CSMD3: variants seen among roughly 807,000 people sequenced by gnomAD.
CSMD3 encodes the protein CUB and sushi domain-containing protein 3.
A neutral mutation model predicts 435.2 loss-of-function variants in CSMD3; 177 were observed. That is an observed-to-expected ratio of 0.41 (90% CI 0.36 to 0.46). The LOEUF (loss-of-function observed/expected upper bound fraction) is 0.46, where lower values mean the gene tolerates loss of function less well. Among genes scored for constraint, CSMD3 ranks in the 20% least tolerant of loss-of-function variants. The pLI is 0.34. For synonymous variants in CSMD3, 1,656 were observed against 1,520.5 expected, an observed-to-expected ratio of 1.09 and a Z score of -2.07; for missense variants, 4,265 against 4,504.6, an observed-to-expected ratio of 0.95 and a Z score of 1.52.
chr8:112,748,104 G>A (rs992445939), intron 13 of CSMD3, among the ~76,000 whole-genome samples: 4 of 151,970 alleles, frequency 2.6e-5, no homozygotes, highest in Non-Finnish European at 5.9e-5. Flanking sequence ...GAGTATTATT[G>A]CCTTCTGGTT....
At chr8:112,524,397 C>G (rs1824638521) in intron 27 of CSMD3, among the ~76,000 whole-genome samples, 1 of 151,634 alleles carries the variant, frequency 6.6e-6, no homozygotes, top group Non-Finnish European at 1.5e-5. Flanking sequence ...CTGACTGACA[C>G]TATACAGTAT....
intron 69 of CSMD3, among the ~76,000 whole-genome samples, chr8:112,230,803 ACT>A (rs1813012963): frequency 6.6e-6 from 1 of 151,642 alleles, no homozygotes; most frequent in South Asian, 2.1e-4. Context: ...CAAGAGCATG[ACT>A]CTGTCTCAAA....
Position 112,258,555 on chromosome 8 carries a change from T to G in CSMD3, c.9863-3128A>C, listed in dbSNP as rs563979814. Among the ~76,000 whole-genome samples the G allele has an allele frequency of 1.8e-3, 274 of 152,226 alleles. 1 individual carries two copies. Among genetic ancestry groups the G allele is most frequent in the African/African-American group, 6.2e-3 (257 of 41,542 alleles). On this transcript the variant is annotated intron_variant, in intron 61 of 70. Transcript: ENST00000297405. ...TCATCATCACTGGTCATTAGAGAAA[T>G]GCAACTCAAAACCACAATGAGATAC...
chr8:113,017,269 C>G (rs1397283234), intron 6 of CSMD3, among the ~76,000 whole-genome samples: 1 of 151,786 alleles, frequency 6.6e-6, no homozygotes, highest in Non-Finnish European at 1.5e-5. Context: ...CTGCAAAAGT[C>G]AATTAAAGAC....
rs764628662 is a variant in CSMD3, at chr8:113,376,825, A to G, written c.178+59852T>C. 126 of 1,613,632 alleles carry G rather than the reference A, an allele frequency of 7.8e-5. 2 individuals carry two copies. In the South Asian group the frequency reaches 1.3e-3, roughly 17 times the overall value. On this transcript the variant is annotated intron_variant, in intron 1 of 70. Transcript: ENST00000297405. ...CCGGGTTGTGCTGAAGAGGTTGTTT[A>G]TGAGTCGCAACAACCGGCCACCTCT...
intron 2 of CSMD3, chr8:113,309,231 T>C (rs2093848276): frequency 3.3e-5 from 5 of 152,140 alleles, no homozygotes; most frequent in Admixed American, 3.3e-4. Context: ...ATGATTTTAT[T>C]ATAATTTCAA....
chr8:113,328,094 C>A (rs1318666369), intron 1 of CSMD3, among the ~76,000 whole-genome samples: 2 of 151,318 alleles, frequency 1.3e-5, no homozygotes, highest in Non-Finnish European at 2.9e-5. Context: ...CACAGACACA[C>A]ACAGACACAC....
At chr8:113,244,059 T>A (rs1563596123) in intron 3 of CSMD3, among the ~76,000 whole-genome samples, 1 of 152,176 alleles carries the variant, frequency 6.6e-6, no homozygotes, top group Non-Finnish European at 1.5e-5. Context: ...AAATTATGTA[T>A]CTTCTCCAAT....
intron 5 of CSMD3, among the ~76,000 whole-genome samples, chr8:113,034,887 A>C (rs569812310): frequency 6.6e-6 from 1 of 152,104 alleles, no homozygotes; most frequent in African/African-American, 2.4e-5. Flanking sequence ...AATTTTAACT[A>C]TCTAACCATA....
chr8:112,804,658 T>C (rs769264216), intron 12 of CSMD3, among the ~76,000 whole-genome samples: 2 of 6,366 alleles, frequency 3.1e-4, no homozygotes, highest in Non-Finnish European at 5.7e-4. Context: ...TGCATTTATT[T>C]TATTTTATTT....
chr8:112,822,163 G>C (rs960661577), intron 12 of CSMD3, among the ~76,000 whole-genome samples: 1 of 152,078 alleles, frequency 6.6e-6, no homozygotes, highest in Non-Finnish European at 1.5e-5. Context: ...GACATTTAAA[G>C]TAGTTTTCCA....
chr8:113,420,203 C>T (rs977038493), intron 1 of CSMD3, among the ~76,000 whole-genome samples: 1 of 152,028 alleles, frequency 6.6e-6, no homozygotes, highest in Non-Finnish European at 1.5e-5. Context: ...AATGAAAAGC[C>T]TTGCCCCACA....
intron 36 of CSMD3, among the ~76,000 whole-genome samples, chr8:112,389,346 C>T (rs1830219820): frequency 1.3e-5 from 2 of 152,142 alleles, no homozygotes. Context: ...GGTATCATAT[C>T]ATTTCAGATC....
intron 3 of CSMD3, among the ~76,000 whole-genome samples, chr8:113,176,014 A>G (rs2092341751): frequency 6.6e-6 from 1 of 152,102 alleles, no homozygotes; most frequent in South Asian, 2.1e-4. Context: ...AGAATAAAGT[A>G]CCTAAAGCAA....
intron 1 of CSMD3, among the ~76,000 whole-genome samples, chr8:113,374,849 C>CAAAAAATAA (rs1251115132): frequency 4.8e-5 from 1 of 21,014 alleles, no homozygotes; most frequent in African/African-American, 1.2e-4. Context: ...AAAAAAAAAC[C>CAAAAAATAA]AATAAAATGA....
chr8:112,848,955 C>A (rs1387075267), intron 11 of CSMD3, among the ~76,000 whole-genome samples: 4 of 152,020 alleles, frequency 2.6e-5, no homozygotes, highest in African/African-American at 9.7e-5. Context: ...ATTTTAAGAT[C>A]CACAAGTGAT....
At chr8:113,096,759 G>T (rs1447415976) in intron 5 of CSMD3, among the ~76,000 whole-genome samples, 1 of 151,904 alleles carries the variant, frequency 6.6e-6, no homozygotes, top group Non-Finnish European at 1.5e-5. Flanking sequence ...ACACAATAAG[G>T]CCCACTCTGC....
intron 30 of CSMD3, among the ~76,000 whole-genome samples, chr8:112,497,700 T>C (rs1821501120): frequency 6.6e-6 from 1 of 152,014 alleles, no homozygotes; most frequent in South Asian, 2.1e-4. Context: ...TATTTTTATA[T>C]TGAAAATAAT....
intron 2 of CSMD3, chr8:113,313,480 C>T (rs2093886178): frequency 1.3e-5 from 2 of 152,012 alleles, no homozygotes; most frequent in Admixed American, 6.6e-5. Context: ...CGCCCCGACA[C>T]CCGGCTAATT....
Sources: allele counts gnomAD v4.1 joint callset (sites outside exome capture counted in the v4.1 genomes callset), GRCh38; gene constraint gnomAD v4.1.1; transcripts MANE v1.5; gene names NCBI Gene and HGNC (gene_info 2026-07-23, HGNC 2026-07-21).